KCNK2: variants seen among roughly 807,000 people sequenced by gnomAD.
KCNK2 encodes potassium channel subfamily K member 2.
Under a neutral mutation model 40.5 loss-of-function variants are expected in KCNK2, and 21 were observed. The observed-to-expected ratio is 0.52, with a 90% CI of 0.37 to 0.75. The LOEUF (loss-of-function observed/expected upper bound fraction) is 0.75. Among genes scored for constraint, KCNK2 ranks in the 30% least tolerant of loss-of-function variants. KCNK2 has a pLI of 0.00. For missense variants in KCNK2, 399 were observed against 531.6 expected (o/e 0.75, Z 2.45); for synonymous variants, 191 against 202.2 (o/e 0.94, Z 0.47).
intron 6 of KCNK2, among the ~76,000 whole-genome samples, chr1:215,215,243 T>A (rs1390937664): frequency 6.6e-6 from 1 of 151,944 alleles, no homozygotes; most frequent in East Asian, 1.9e-4. Flanking sequence ...CAATAGGTAA[T>A]ACTGGTAAGG....
At chr1:215,214,131 G>A (rs1486849201) in intron 6 of KCNK2, among the ~76,000 whole-genome samples, 3 of 152,132 alleles carry the variant, frequency 2.0e-5, no homozygotes, top group Non-Finnish European at 4.4e-5. Flanking sequence ...ACCTCAGACT[G>A]AGCCATTTAT....
chr1:215,185,430 T>C (rs1403196737), intron 5 of KCNK2, among the ~76,000 whole-genome samples: 1 of 152,142 alleles, frequency 6.6e-6, no homozygotes, highest in East Asian at 1.9e-4. Flanking sequence ...AACGGCTGGG[T>C]AGCAGATGTG....
chr1:215,089,101 C>T (rs1327736325), intron 2 of KCNK2, among the ~76,000 whole-genome samples: 2 of 152,080 alleles, frequency 1.3e-5, no homozygotes, highest in Non-Finnish European at 1.5e-5. Flanking sequence ...ATTAGAATTA[C>T]ACTTCCTTCA....
chr1:215,042,687 AC>A (rs2102493537), intron 1 of KCNK2, among the ~76,000 whole-genome samples: 1 of 152,286 alleles, frequency 6.6e-6, no homozygotes, highest in East Asian at 1.9e-4. Flanking sequence ...ACTTAGTGTC[AC>A]CTTTTACTTC....
intron 6 of KCNK2, among the ~76,000 whole-genome samples, chr1:215,232,428 T>C (rs973891825): frequency 6.6e-6 from 1 of 152,132 alleles, no homozygotes; most frequent in Non-Finnish European, 1.5e-5. Context: ...TGTCTACAGA[T>C]AGAAGAAAAA....
intron 6 of KCNK2, among the ~76,000 whole-genome samples, chr1:215,197,640 A>G (rs1664919385): frequency 1.3e-5 from 2 of 152,126 alleles, no homozygotes; most frequent in South Asian, 4.1e-4. Flanking sequence ...TTTTGGGGAG[A>G]CACAAATCAG....
intron 5 of KCNK2, among the ~76,000 whole-genome samples, chr1:215,176,324 C>T (rs1663969379): frequency 6.6e-6 from 1 of 151,804 alleles, no homozygotes; most frequent in Non-Finnish European, 1.5e-5. Context: ...TGCCCTTTGC[C>T]CACTTTTTTT....
intron 1 of KCNK2, among the ~76,000 whole-genome samples, chr1:215,084,815 G>A (rs537626437): frequency 2.0e-4 from 31 of 152,308 alleles, no homozygotes; most frequent in Middle Eastern, 3.4e-3. Flanking sequence ...TTGGAGCCAT[G>A]GGTACAGAAA....
intron 1 of KCNK2, among the ~76,000 whole-genome samples, chr1:215,073,147 A>G (rs1658814005): frequency 6.6e-6 from 1 of 152,150 alleles, no homozygotes; most frequent in South Asian, 2.1e-4. Flanking sequence ...AAGGAACACC[A>G]AGGATTGCTG....
intron 2 of KCNK2, among the ~76,000 whole-genome samples, chr1:215,108,207 C>T (rs1196776980): frequency 6.6e-6 from 1 of 152,136 alleles, no homozygotes; most frequent in African/African-American, 2.4e-5. Flanking sequence ...TCCTACTGTG[C>T]AGCCTGGTTC....
In KCNK2 at chr1:215,011,442, C is replaced by T. The variant is rs113005550; in HGVS notation, c.34+5487C>T. Among the ~76,000 whole-genome samples the T allele has an allele frequency of 9.2e-3, 1,382 of 150,984 alleles. 18 individuals carry two copies. Among genetic ancestry groups the T allele is most frequent in the African/African-American group, 0.029 (1,183 of 41,076 alleles). Reference sequence around the variant, plus strand: ...CTGAGTAGCTGGGACTACAGGCACACGCCACCACATCGGCTAAATTTTTAT... The same window carrying T: ...CTGAGTAGCTGGGACTACAGGCACATGCCACCACATCGGCTAAATTTTTAT... On this transcript the variant is annotated intron_variant, in intron 1 of 6. Transcript: ENST00000391895.
chr1:215,112,385 A>T (rs572233951), intron 2 of KCNK2, among the ~76,000 whole-genome samples: 1 of 152,040 alleles, frequency 6.6e-6, no homozygotes, highest in Non-Finnish European at 1.5e-5. Context: ...TGGAATAAAG[A>T]TATAAAGAAA....
At chr1:215,229,691 AG>A (rs1666538222) in intron 6 of KCNK2, among the ~76,000 whole-genome samples, 1 of 151,982 alleles carries the variant, frequency 6.6e-6, no homozygotes, top group African/African-American at 2.4e-5. Flanking sequence ...AGAAAAAAAA[AG>A]ATTTTGTTTT....
At chr1:215,220,977 C>A (rs1203262257) in intron 6 of KCNK2, among the ~76,000 whole-genome samples, 1 of 152,194 alleles carries the variant, frequency 6.6e-6, no homozygotes, top group East Asian at 1.9e-4. Flanking sequence ...TCCACATTGT[C>A]CTGACAAATA....
At chr1:215,167,553 G>C (rs1663503627) in intron 3 of KCNK2, among the ~76,000 whole-genome samples, 1 of 152,114 alleles carries the variant, frequency 6.6e-6, no homozygotes, top group African/African-American at 2.4e-5. Context: ...TACTTGAATA[G>C]TAACAAGTAG....
intron 6 of KCNK2, among the ~76,000 whole-genome samples, chr1:215,214,194 G>T (rs1244494548): frequency 1.3e-5 from 2 of 152,062 alleles, no homozygotes; most frequent in Non-Finnish European, 2.9e-5. Context: ...ACGCATGGCT[G>T]GGGAGGCCTC....
At position 215,076,171 on chromosome 1, in the gene KCNK2, A is replaced by G. The variant is rs548390138; in HGVS notation, c.35-10197A>G. ...AATATGAATTCTTCAAAATGAATAAATTTTGGCCTTTGAAAAATTGCCTTC... is the reference window on the plus strand; with the variant it reads ...AATATGAATTCTTCAAAATGAATAAGTTTTGGCCTTTGAAAAATTGCCTTC... On this transcript the variant is annotated intron_variant, in intron 1 of 6. Transcript: ENST00000391895. Among the ~76,000 whole-genome samples the G allele has an allele frequency of 2.0e-5, 3 of 152,356 alleles. No individual in the cohort carries two copies. The South Asian group carries it at 6.2e-4, about 32-fold the overall frequency.
At chr1:215,063,670 C>G (rs1341656506) in intron 1 of KCNK2, among the ~76,000 whole-genome samples, 3 of 152,190 alleles carry the variant, frequency 2.0e-5, no homozygotes, top group Non-Finnish European at 4.4e-5. Context: ...ACTCCTCTCT[C>G]GCTCAGACTC....
intron 6 of KCNK2, among the ~76,000 whole-genome samples, chr1:215,205,466 C>T (rs1665276267): frequency 1.3e-5 from 2 of 152,056 alleles, no homozygotes; most frequent in South Asian, 4.1e-4. Flanking sequence ...TCAAACTCCC[C>T]ACCTGACCTC....
Sources: allele counts gnomAD v4.1 joint callset (sites outside exome capture counted in the v4.1 genomes callset), GRCh38; gene constraint gnomAD v4.1.1; transcripts MANE v1.5; gene names NCBI Gene and HGNC (gene_info 2026-07-23, HGNC 2026-07-21).